The following RBFOX3 variants were observed in gnomAD, a reference collection of about 807,000 sequenced individuals.
The protein encoded by RBFOX3 is RNA binding fox-1 homolog 3.
In RBFOX3, 17 loss-of-function variants were observed where a neutral mutation model predicts 48.7. The ratio of observed to expected loss-of-function variants is 0.35; its 90% confidence interval spans 0.24 to 0.52. The LOEUF is 0.52. RBFOX3 is among the 20% of genes least tolerant of loss of function. The pLI is 0.94. For synonymous variants in RBFOX3, 212 were observed against 209.5 expected (o/e 1.01, Z -0.10); for missense variants, 382 against 497.5 (o/e 0.77, Z 2.21).
intron 14 of RBFOX3, among the ~76,000 whole-genome samples, chr17:79,092,835 TGGTCTTGG>T (rs2074233561): frequency 6.6e-6 from 1 of 152,178 alleles, no homozygotes; most frequent in South Asian, 2.1e-4. Flanking sequence ...TCTGACATAG[TGGTCTTGG>T]GCCAGTGTGG....
rs2143960888 is a variant in RBFOX3 at position 79,556,552 on chromosome 17, C to T, written c.-320+54274G>A. On this transcript the variant is annotated intron_variant, in intron 1 of 14. Coordinates refer to ENST00000693108, the MANE Select transcript of RBFOX3 (RefSeq NM_001350451.2). Reference sequence around the variant, plus strand: ...GCGACAGGAGGAGGAGCTGTAACCACATCCAGAGTGGGTGGGGAGAGGAAA... The same window carrying T: ...GCGACAGGAGGAGGAGCTGTAACCATATCCAGAGTGGGTGGGGAGAGGAAA... Among the ~76,000 whole-genome samples, 3 of 152,270 alleles carry T rather than the reference C, an allele frequency of 2.0e-5. No homozygotes were observed. In the East Asian group the frequency reaches 5.8e-4, roughly 29 times the overall value.
At chr17:79,291,594 C>T (rs1316843083) in intron 3 of RBFOX3, among the ~76,000 whole-genome samples, 2 of 152,208 alleles carry the variant, frequency 1.3e-5, no homozygotes, top group Non-Finnish European at 2.9e-5. Flanking sequence ...CTCACAGTCC[C>T]TTATTGCATC....
At chr17:79,475,049 C>A (rs1555760029) in intron 2 of RBFOX3, among the ~76,000 whole-genome samples, 1 of 152,168 alleles carries the variant, frequency 6.6e-6, no homozygotes, top group East Asian at 1.9e-4. Context: ...AAAGTGTGCG[C>A]CCAAAACTTG....
chr17:79,113,539 C>T (rs2032840931), intron 5 of RBFOX3, among the ~76,000 whole-genome samples: 1 of 152,170 alleles, frequency 6.6e-6, no homozygotes, highest in African/African-American at 2.4e-5. Flanking sequence ...TCTGTCCATC[C>T]TCTGGGCTCT....
chr17:79,350,950 C>G (rs1232709900), intron 2 of RBFOX3, among the ~76,000 whole-genome samples: 1 of 152,192 alleles, frequency 6.6e-6, no homozygotes, highest in Non-Finnish European at 1.5e-5. Context: ...CTGGTAACCT[C>G]TAATCCACTT....
rs1234763088 is a variant in RBFOX3, at chr17:79,340,322, A to AAAAAAAC, written c.-174-32499_-174-32498insGTTTTTT. 1.2e-4 allele frequency among the ~76,000 whole-genome samples: 17 copies of AAAAAAAC among 144,110 alleles called. 1 individual carries two copies. The highest frequency in any genetic ancestry group is 2.2e-4 in the South Asian group (1 of 4,512). 94.5% of individuals were successfully genotyped at this position (144,110 alleles called of 152,430 possible). On this transcript the variant is annotated intron_variant, in intron 2 of 14. Transcript: ENST00000693108. ...TCAAAAAAAAAAACAAAAAACAAAA[A>AAAAAAAC]CAAAACTCTCTGAGCATGATAGAAT...
At chr17:79,144,304 T>A (rs1331143663) in intron 4 of RBFOX3, among the ~76,000 whole-genome samples, 1 of 152,232 alleles carries the variant, frequency 6.6e-6, no homozygotes, top group Non-Finnish European at 1.5e-5. Flanking sequence ...CATGGCTGCC[T>A]TGTTTAAAAA....
At chr17:79,654,866 C>G in the RBFOX3 span, among the ~76,000 whole-genome samples, 1 of 152,174 alleles carries the variant, frequency 6.6e-6, no homozygotes, top group East Asian at 1.9e-4. Flanking sequence ...TCTGAAGCAA[C>G]ATTATGCAAA....
At chr17:79,416,935 T>C (rs2065464034) in intron 2 of RBFOX3, among the ~76,000 whole-genome samples, 1 of 152,210 alleles carries the variant, frequency 6.6e-6, no homozygotes. Context: ...GGACCCATGT[T>C]CCTTACCCGC....
chr17:79,593,567 G>A (rs1323443042), intron 1 of RBFOX3, among the ~76,000 whole-genome samples: 4 of 152,346 alleles, frequency 2.6e-5, no homozygotes, highest in South Asian at 2.1e-4. Flanking sequence ...TGGGAACACC[G>A]AGGGAGGAAT....
At chr17:79,554,445 T>C (rs990799901) in intron 1 of RBFOX3, among the ~76,000 whole-genome samples, 6,165 of 14,406 alleles carry the variant, frequency 0.43, 684 homozygotes, top group East Asian at 0.5. Flanking sequence ...CCTCTCCATC[T>C]TCACTCACAG....
At chr17:79,189,651 A>T (rs2054079129) in intron 4 of RBFOX3, among the ~76,000 whole-genome samples, 1 of 152,136 alleles carries the variant, frequency 6.6e-6, no homozygotes, top group African/African-American at 2.4e-5. Context: ...TAGACCAAGG[A>T]AGCCCTCCCT....
rs1268572668 is a variant in RBFOX3 at position 79,481,372 on chromosome 17, A to G, written c.-175+1082T>C. On this transcript the variant is annotated intron_variant, in intron 2 of 14. Transcript: ENST00000693108. The surrounding 1 kb of genome is among the most constrained non-coding windows in gnomAD (Gnocchi z 5.4). ...CTGCACTGAACCTCATGGGGGTTTA[A>G]GAAAGAATTCACCTGGTGTCTGTCC... Among the ~76,000 whole-genome samples, 2 of 152,262 alleles carry G rather than the reference A, an allele frequency of 1.3e-5. No homozygotes were observed. Among genetic ancestry groups the G allele is most frequent in the African/African-American group, 4.8e-5 (2 of 41,558 alleles).
At chr17:79,112,920 T>TGGGGGGGGGGGGGGGGGGGGGGG (rs1568152586) in intron 5 of RBFOX3, among the ~76,000 whole-genome samples, 1 of 29,520 alleles carries the variant, frequency 3.4e-5, no homozygotes. Flanking sequence ...GGGGGTGGGC[T>TGGGGGGGGGGGGGGGGGGGGGGG]GGGTAGGACT....
rs1471075610 is a variant in RBFOX3, at chr17:79,610,927, A to C, written c.-421T>G. Among the ~76,000 whole-genome samples the C allele has an allele frequency of 6.6e-6, 1 of 151,112 alleles. No individual in the cohort carries two copies. The highest frequency in any genetic ancestry group is 1.5e-5 in the Non-Finnish European group (1 of 67,646). On this transcript the variant is annotated 5_prime_UTR_variant, in exon 1 of 15. Coordinates refer to ENST00000693108, the MANE Select transcript of RBFOX3 (RefSeq NM_001350451.2). ...AGCGGCGTCCTGGGGCCGCACAGGCACCGGCGAGCCAGCGGCAAGGGGCGC... is the reference window on the plus strand; with the variant it reads ...AGCGGCGTCCTGGGGCCGCACAGGCCCCGGCGAGCCAGCGGCAAGGGGCGC...
In RBFOX3 at chr17:79,249,447, A is replaced by C. The variant is rs554004482; in HGVS notation, c.-73-13642T>G. ...TGGCCCTGGGGAGACGGCTCCTCCC[A>C]AAGTAGCAGATTCCGAGAGGCAGCA... On this transcript the variant is annotated intron_variant, in intron 3 of 14. Coordinates refer to ENST00000693108, the MANE Select transcript of RBFOX3 (RefSeq NM_001350451.2). The surrounding 1 kb of genome is among the most constrained non-coding windows in gnomAD (Gnocchi z 4.1). Among the ~76,000 whole-genome samples, 60 of 152,150 alleles carry C rather than the reference A, an allele frequency of 3.9e-4. No individual in the cohort carries two copies. Among genetic ancestry groups the C allele is most frequent in the African/African-American group, 1.4e-3 (58 of 41,512 alleles).
At chr17:79,524,670 C>T (rs910156379) in intron 1 of RBFOX3, among the ~76,000 whole-genome samples, 1,852 of 152,186 alleles carry the variant, frequency 0.012, 19 homozygotes, top group Non-Finnish European at 0.019. Flanking sequence ...GGGGTTAGAT[C>T]CTGCTGCCCC....
intron 2 of RBFOX3, among the ~76,000 whole-genome samples, chr17:79,427,854 A>G (rs1555726403): frequency 6.6e-6 from 1 of 152,232 alleles, no homozygotes; most frequent in Non-Finnish European, 1.5e-5. Flanking sequence ...ATATGCACAC[A>G]TGAACACGTG....
At chr17:79,358,757 G>A (rs142453140) in intron 2 of RBFOX3, among the ~76,000 whole-genome samples, 4 of 152,238 alleles carry the variant, frequency 2.6e-5, no homozygotes, top group African/African-American at 9.6e-5. Context: ...CTCCGTGCTC[G>A]GCCTGGTTCT....
Sources: gnomAD v4.1 joint callset for allele counts (sites outside exome capture counted in the v4.1 genomes callset) on GRCh38, gnomAD v4.1.1 for gene constraint, Gnocchi (gnomAD v3.1) non-coding constraint, MANE v1.5 for transcripts, NCBI Gene and HGNC (gene_info 2026-07-23, HGNC 2026-07-21) for gene names.